Variants in MAD1L1 observed in about 807,000 individuals in gnomAD.
MAD1L1 encodes the protein mitotic arrest deficient 1 like 1.
MAD1L1 carries 95 observed loss-of-function variants against 96.9 expected under a neutral mutation model. The ratio of observed to expected loss-of-function variants is 0.98; its 90% CI spans 0.83 to 1.16. The LOEUF (loss-of-function observed/expected upper bound fraction) is 1.16, where lower values mean the gene tolerates loss of function less well. MAD1L1 is among the 50% of genes most tolerant of loss of function. The pLI, the probability that MAD1L1 is intolerant of heterozygous loss-of-function variation, is 0.00. For missense variants in MAD1L1, 1,007 were observed against 954.4 expected (o/e 1.06, Z -0.73); for synonymous variants, 473 against 396.6 (o/e 1.19, Z -2.29).
chr7:2,135,872 C>T (rs1201451894), intron 11 of MAD1L1, among the ~76,000 whole-genome samples: 4 of 152,228 alleles, frequency 2.6e-5, no homozygotes, highest in African/African-American at 9.7e-5. Flanking sequence ...TATTTTCAGG[C>T]TCTTTTCGCC....
intron 10 of MAD1L1, among the ~76,000 whole-genome samples, chr7:2,199,386 A>C (rs1271709557): frequency 6.6e-6 from 1 of 152,220 alleles, no homozygotes; most frequent in African/African-American, 2.4e-5. Flanking sequence ...CACGTGTCAC[A>C]GCCAAGACTC....
intron 10 of MAD1L1, among the ~76,000 whole-genome samples, chr7:2,202,611 C>T (rs765060383): frequency 3.9e-5 from 6 of 152,210 alleles, no homozygotes; most frequent in Non-Finnish European, 5.9e-5. Context: ...GAAGGCCAAA[C>T]GCTTCTCCCC....
intron 12 of MAD1L1, among the ~76,000 whole-genome samples, chr7:2,031,919 C>G (rs1178250050): frequency 1.3e-5 from 2 of 152,252 alleles, no homozygotes; most frequent in Admixed American, 1.3e-4. Flanking sequence ...AGCAGTCAGA[C>G]GGGTTCCTTT....
At chr7:1,959,525 T>A (rs6974807) in intron 15 of MAD1L1, among the ~76,000 whole-genome samples, 131,055 of 152,208 alleles carry the variant, frequency 0.86, 57,725 homozygotes, top group Non-Finnish European at 0.96. Context: ...CCAGAGCACA[T>A]CAGGACAAGC....
chr7:2,004,493 A>T (rs544725768), intron 13 of MAD1L1, among the ~76,000 whole-genome samples: 41 of 152,326 alleles, frequency 2.7e-4, no homozygotes, highest in African/African-American at 8.4e-4. Context: ...GGAGCAGCTT[A>T]GAAGAGGCAG....
intron 12 of MAD1L1, among the ~76,000 whole-genome samples, chr7:2,028,995 C>T (rs59619245): frequency 0.29 from 44,725 of 151,984 alleles, 7,944 homozygotes; most frequent in East Asian, 0.49. Flanking sequence ...AACCCTGGAA[C>T]AACCTGGAGG....
chr7:1,817,428 C>T (rs556715271), intron 18 of MAD1L1: 2 of 152,436 alleles, frequency 1.3e-5, no homozygotes, highest in South Asian at 2.1e-4. Context: ...CAGCCCTCAA[C>T]CGCCGGAGGG....
intron 17 of MAD1L1, among the ~76,000 whole-genome samples, chr7:1,923,166 T>C (rs1788895245): frequency 6.6e-6 from 1 of 152,218 alleles, no homozygotes; most frequent in Non-Finnish European, 1.5e-5. Context: ...GGAAGCTTTT[T>C]GATTGTGGAT....
At chr7:1,924,828 G>C (rs1436379645) in intron 17 of MAD1L1, among the ~76,000 whole-genome samples, 3 of 152,080 alleles carry the variant, frequency 2.0e-5, no homozygotes, top group African/African-American at 7.2e-5. Context: ...AGGGAGGCAG[G>C]GAGAAGCCTA....
intron 18 of MAD1L1, among the ~76,000 whole-genome samples, chr7:1,844,958 G>A (rs1420255852): frequency 2.0e-5 from 3 of 152,240 alleles, no homozygotes; most frequent in East Asian, 1.9e-4. Context: ...TCACTGTCCC[G>A]CCATCAGAAG....
chr7:2,135,840 T>G (rs770052328), intron 11 of MAD1L1, among the ~76,000 whole-genome samples: 8 of 152,244 alleles, frequency 5.3e-5, no homozygotes, highest in Non-Finnish European at 1.0e-4. Context: ...TCTGAGCCTT[T>G]GGAGGTGAGT....
At chr7:1,933,359 T>G (rs990584713) in intron 17 of MAD1L1, among the ~76,000 whole-genome samples, 6 of 152,154 alleles carry the variant, frequency 3.9e-5, no homozygotes, top group Non-Finnish European at 8.8e-5. Context: ...AGGGAGGTCT[T>G]TCCACCATAG....
chr7:1,872,159 G>T (rs780838341), intron 18 of MAD1L1, among the ~76,000 whole-genome samples: 33 of 152,216 alleles, frequency 2.2e-4, no homozygotes, highest in Non-Finnish European at 3.8e-4. Flanking sequence ...CGACAGAGAG[G>T]CTGACACCTA....
At chr7:1,906,797 A>AG (rs1372795234) in intron 17 of MAD1L1, among the ~76,000 whole-genome samples, 2 of 152,184 alleles carry the variant, frequency 1.3e-5, no homozygotes, top group African/African-American at 4.8e-5. Flanking sequence ...TACAGACCTG[A>AG]GCTCCTGCCC....
At chr7:2,102,409 CCAT>C (rs1786852166) in intron 11 of MAD1L1, among the ~76,000 whole-genome samples, 1 of 151,386 alleles carries the variant, frequency 6.6e-6, no homozygotes, top group Admixed American at 6.6e-5. Context: ...AGCACTCTCA[CCAT>C]GTCACCATCA....
At chr7:2,071,449 C>G (rs2128530951) in intron 11 of MAD1L1, among the ~76,000 whole-genome samples, 1 of 152,372 alleles carries the variant, frequency 6.6e-6, no homozygotes, top group South Asian at 2.1e-4. Flanking sequence ...AAATATGTAA[C>G]TGATCGTCAA....
At chr7:2,047,955 C>G (rs951991393) in intron 12 of MAD1L1, among the ~76,000 whole-genome samples, 2 of 152,238 alleles carry the variant, frequency 1.3e-5, no homozygotes, top group African/African-American at 4.8e-5. Context: ...ACAAAGCACA[C>G]GTGCACACTC....
chr7:2,014,679 C>T (rs758857290), intron 12 of MAD1L1, 37 bp from the exon 13 acceptor site: 3 of 1,568,492 alleles, frequency 1.9e-6, no homozygotes, highest in Non-Finnish European at 2.6e-6. Context: ...GGACCCGGGA[C>T]GGGGGATGAG....
In MAD1L1 at chr7:2,088,480, C is replaced by T. The variant is rs3778962; in HGVS notation, c.1074-19142G>A. On this transcript the variant is annotated intron_variant, in intron 11 of 18. Coordinates refer to ENST00000265854, the MANE Select transcript of MAD1L1 (RefSeq NM_001013836.2). This position sits in a 1 kb window ranked among gnomAD's most constrained non-coding sequence, Gnocchi z 4.4. Reference sequence around the variant, plus strand: ...CCCCAGAGAGGCTCCCCGCTTGCCTCCAGGGAACACCGCCCCAGCCTCGAG... The same window carrying T: ...CCCCAGAGAGGCTCCCCGCTTGCCTTCAGGGAACACCGCCCCAGCCTCGAG... Among the ~76,000 whole-genome samples, 6,924 of 152,274 alleles carry T rather than the reference C, an allele frequency of 0.045. 252 individuals are homozygous for T. Among genetic ancestry groups the T allele is most frequent in the African/African-American group, 0.095 (3,938 of 41,538 alleles).
Sources: gnomAD v4.1 joint callset for allele counts (sites outside exome capture counted in the v4.1 genomes callset) on GRCh38, gnomAD v4.1.1 for gene constraint, Gnocchi (gnomAD v3.1) non-coding constraint, MANE v1.5 for transcripts, NCBI Gene and HGNC (gene_info 2026-07-23, HGNC 2026-07-21) for gene names.